Variants in FHIT observed in about 807,000 individuals in gnomAD.
FHIT encodes the protein bis(5'-adenosyl)-triphosphatase.
A neutral mutation model predicts 17.9 loss-of-function variants in FHIT; 19 were observed. That is an observed-to-expected ratio of 1.06 (90% CI 0.74 to 1.56). The LOEUF is 1.56. Ranked by LOEUF, FHIT falls within the 40% of genes most tolerant of loss-of-function variation. The pLI, the probability that FHIT is intolerant of heterozygous loss-of-function variation, is 0.00. For synonymous variants in FHIT, 81 were observed against 69.7 expected (o/e 1.16, Z -0.81); for missense variants, 248 against 189.2 (o/e 1.31, Z -1.82).
chr3:60,748,379 C>T (rs1559691702), intron 4 of FHIT, among the ~76,000 whole-genome samples: 2 of 152,156 alleles, frequency 1.3e-5, no homozygotes, highest in Non-Finnish European at 1.5e-5. Context: ...AAGTTAGAGG[C>T]TTATACAGTC....
chr3:60,787,646 CTG>C (rs1470539082), intron 4 of FHIT, among the ~76,000 whole-genome samples: 1 of 152,174 alleles, frequency 6.6e-6, no homozygotes, highest in Non-Finnish European at 1.5e-5. Flanking sequence ...TTTGTGCATT[CTG>C]TGTTTGTGAA....
intron 2 of FHIT, among the ~76,000 whole-genome samples, chr3:61,114,008 A>G (rs1309036730): frequency 6.6e-6 from 1 of 152,218 alleles, no homozygotes; most frequent in Admixed American, 6.6e-5. Context: ...AGAGAGCAAA[A>G]GGGGTTTCTC....
chr3:61,119,081 G>A (rs1284115281), intron 2 of FHIT, among the ~76,000 whole-genome samples: 1 of 152,156 alleles, frequency 6.6e-6, no homozygotes, highest in East Asian at 1.9e-4. Flanking sequence ...GCATACACCT[G>A]TTTTTATATT....
At chr3:59,856,014 T>C (rs974670934) in intron 8 of FHIT, among the ~76,000 whole-genome samples, 13 of 151,984 alleles carry the variant, frequency 8.6e-5, no homozygotes, top group Non-Finnish European at 1.8e-4. Context: ...ATCTCCTGAC[T>C]TCGTGATCCA....
Position 60,121,711 on chromosome 3 carries a change from C to CAAAACAAAA in FHIT, c.104-107560_104-107559insTTTTGTTTT, listed in dbSNP as rs71909078. On this transcript the variant is annotated intron_variant, in intron 5 of 9. Transcript: ENST00000492590. Reference sequence around the variant, plus strand: ...AAAACAAACAAACAAACAAAACAAACACACACACACACACACACACACACA... The same window carrying CAAAACAAAA: ...AAAACAAACAAACAAACAAAACAAACAAAACAAAAACACACACACACACACACACACACA... Among the ~76,000 whole-genome samples, 102 of 71,598 alleles carry CAAAACAAAA rather than the reference C, an allele frequency of 1.4e-3. 1 individual carries two copies. The highest frequency in any genetic ancestry group is 2.8e-3 in the Non-Finnish European group (85 of 30,524). The allele number at this position is 71,598 out of a possible 152,430, so 47.0% of individuals were successfully genotyped here.
intron 4 of FHIT, among the ~76,000 whole-genome samples, chr3:60,713,961 CCT>C (rs2041611241): frequency 6.6e-6 from 1 of 151,786 alleles, no homozygotes; most frequent in South Asian, 2.1e-4. Context: ...GATACCAAAG[CCT>C]GGCAGAGACA....
In FHIT at chr3:60,202,473, G is replaced by C. The variant is rs148262150; in HGVS notation, c.104-188321C>G. The stretch of plus-strand genomic sequence containing the variant: ...AAGCACACATCCTTTGTCACGGTGT[G>C]TGGTCAGGCACTAGTTGGCATTAAT... On this transcript the variant is annotated intron_variant, in intron 5 of 9. Transcript: ENST00000492590. 1.9e-3 allele frequency among the ~76,000 whole-genome samples: 282 copies of C among 152,326 alleles called. 1 individual carries two copies. The highest frequency in any genetic ancestry group is 3.4e-3 in the Middle Eastern group (1 of 294).
chr3:60,269,772 C>T (rs543706545), intron 5 of FHIT, among the ~76,000 whole-genome samples: 26 of 152,232 alleles, frequency 1.7e-4, no homozygotes, highest in Middle Eastern at 3.4e-3. Flanking sequence ...AATGTTGGAA[C>T]AAATAAGAGT....
intron 8 of FHIT, among the ~76,000 whole-genome samples, chr3:59,762,379 T>A (rs1701567087): frequency 6.6e-6 from 1 of 152,170 alleles, no homozygotes; most frequent in African/African-American, 2.4e-5. Context: ...TAAATTACAC[T>A]TTTCCTCCCA....
chr3:59,915,141 G>T (rs572876385), intron 8 of FHIT, among the ~76,000 whole-genome samples: 2 of 152,108 alleles, frequency 1.3e-5, no homozygotes, highest in Non-Finnish European at 2.9e-5. Context: ...AGGACACCTC[G>T]GAGGAGGCAT....
chr3:60,847,263 A>C (rs1321945411), intron 3 of FHIT, among the ~76,000 whole-genome samples: 2 of 152,324 alleles, frequency 1.3e-5, no homozygotes, highest in East Asian at 3.9e-4. Flanking sequence ...TGTAGAGAAG[A>C]ATATGACAAC....
At chr3:60,342,322 C>G (rs535879176) in intron 5 of FHIT, among the ~76,000 whole-genome samples, 37 of 152,324 alleles carry the variant, frequency 2.4e-4, no homozygotes, top group African/African-American at 6.3e-4. Context: ...ATTTAAAAGT[C>G]ACTGAATAGA....
rs138160513 is a variant in FHIT, at chr3:60,835,795, T to C, written c.-110-13784A>G. On this transcript the variant is annotated intron_variant, in intron 3 of 9. Coordinates refer to ENST00000492590, the MANE Select transcript of FHIT (RefSeq NM_002012.4). ...ACCAGGCCTGGTTCATTTGTTGTTG[T>C]TGAGGAGAGATGAGGTCTCTCCATA... Among the ~76,000 whole-genome samples the C allele has an allele frequency of 3.9e-3, 588 of 152,216 alleles. 4 individuals carry two copies. The highest frequency in any genetic ancestry group is 0.013 in the African/African-American group (552 of 41,538).
At chr3:60,555,427 G>A (rs2036709121) in intron 4 of FHIT, among the ~76,000 whole-genome samples, 1 of 152,154 alleles carries the variant, frequency 6.6e-6, no homozygotes, top group Non-Finnish European at 1.5e-5. Context: ...ATCAAGTCTT[G>A]ACTCTTCTTC....
In FHIT at chr3:61,142,142, T is replaced by C. The variant is rs964125820; in HGVS notation, c.-164+58475A>G. Among the ~76,000 whole-genome samples, 32 of 151,406 alleles carry C rather than the reference T, an allele frequency of 2.1e-4. 1 individual carries two copies. Among genetic ancestry groups the C allele is most frequent in the African/African-American group, 7.5e-4 (31 of 41,372 alleles). On this transcript the variant is annotated intron_variant, in intron 2 of 9. Transcript: ENST00000492590. ...AAAAAATTTTTTTTTTATCTGAGAATTGCATGCTGTGCTGAAATAGGATGG... is the reference window on the plus strand; with the variant it reads ...AAAAAATTTTTTTTTTATCTGAGAACTGCATGCTGTGCTGAAATAGGATGG...
At chr3:60,596,019 C>T (rs544694292) in intron 4 of FHIT, 1 of 168,518 alleles carries the variant, frequency 5.9e-6, no homozygotes, top group Non-Finnish European at 1.2e-5. Context: ...TCTTCTAGGG[C>T]TCAGAAAAAC....
At chr3:60,119,183 C>T (rs2107212910) in intron 5 of FHIT, among the ~76,000 whole-genome samples, 1 of 151,978 alleles carries the variant, frequency 6.6e-6, no homozygotes, top group East Asian at 2.0e-4. Flanking sequence ...AAGTGATTCT[C>T]CTGCCTCAGC....
At chr3:61,148,916 A>G (rs1166351135) in intron 2 of FHIT, among the ~76,000 whole-genome samples, 1 of 152,230 alleles carries the variant, frequency 6.6e-6, no homozygotes, top group African/African-American at 2.4e-5. Flanking sequence ...AAGAAGAGAA[A>G]GAAGTTATAT....
chr3:60,761,738 T>G (rs2108054867), intron 4 of FHIT, among the ~76,000 whole-genome samples: 1 of 151,992 alleles, frequency 6.6e-6, no homozygotes, highest in South Asian at 2.1e-4. Context: ...CTTCAGGCCC[T>G]GTAGCTAGGA....
Sources: gnomAD v4.1 joint callset for allele counts (sites outside exome capture counted in the v4.1 genomes callset) on GRCh38, gnomAD v4.1.1 for gene constraint, MANE v1.5 for transcripts, NCBI Gene and HGNC (gene_info 2026-07-23, HGNC 2026-07-21) for gene names.